Variants in HPSE2 observed in about 807,000 individuals in gnomAD.
HPSE2 encodes the protein inactive heparanase-2.
HPSE2 carries 38 observed loss-of-function variants against 60.5 expected under a neutral mutation model. That is an observed-to-expected ratio of 0.63 (90% CI 0.48 to 0.82). HPSE2 has a LOEUF of 0.82. HPSE2 is among the 40% of genes least tolerant of loss of function. The probability of loss-of-function intolerance (pLI) is 0.00; values close to 1 mark genes in which losing one functional copy is unlikely to be tolerated. For missense variants in HPSE2, 713 were observed against 740.4 expected (o/e 0.96, Z 0.43); for synonymous variants, 295 against 293.2 (o/e 1.01, Z -0.06).
chr10:99,066,455 A>T (rs1279978290), intron 3 of HPSE2, among the ~76,000 whole-genome samples: 1 of 152,220 alleles, frequency 6.6e-6, no homozygotes, highest in Non-Finnish European at 1.5e-5. Context: ...GATGCTAATA[A>T]AAACATATCC....
intron 3 of HPSE2, among the ~76,000 whole-genome samples, chr10:98,808,703 A>G (rs1444432850): frequency 1.3e-5 from 2 of 152,288 alleles, no homozygotes; most frequent in East Asian, 3.9e-4. Context: ...ACAAAATCTG[A>G]GCGCAATCTG....
rs1565160482 is a variant in HPSE2, at chr10:98,782,952, T to TTA, written c.611-38897_611-38896insTA. Reference sequence around the variant, plus strand: ...TTTTTTTTTTTAATGTTTTTTTTTTTATTATACTCTAAGTTTTAGGGAACA... The same window carrying TTA: ...TTTTTTTTTTTAATGTTTTTTTTTTTTAATTATACTCTAAGTTTTAGGGAACA... On this transcript the variant is annotated intron_variant, in intron 3 of 11. Coordinates refer to ENST00000370552, the MANE Select transcript of HPSE2 (RefSeq NM_021828.5). 6.2e-4 allele frequency among the ~76,000 whole-genome samples: 85 copies of TTA among 138,074 alleles called. 4 individuals carry two copies. The highest frequency in any genetic ancestry group is 2.3e-3 in the African/African-American group (84 of 36,428). 90.6% of individuals were successfully genotyped at this position (138,074 alleles called of 152,430 possible).
chr10:99,168,932 C>A (rs1017313557), intron 2 of HPSE2, among the ~76,000 whole-genome samples: 22 of 152,138 alleles, frequency 1.4e-4, no homozygotes. Flanking sequence ...TGGTGGCTTG[C>A]GCCTGTAATC....
chr10:99,040,518 T>C (rs1037289390), intron 3 of HPSE2, among the ~76,000 whole-genome samples: 2 of 152,188 alleles, frequency 1.3e-5, no homozygotes, highest in Non-Finnish European at 2.9e-5. Context: ...TAATCTGTTT[T>C]TCATCTTTTA....
rs1171855162 is a variant in HPSE2 at position 98,929,956 on chromosome 10, AGCCATGAT to A, written c.611-185908_611-185901del. Among the ~76,000 whole-genome samples, 18 of 144,054 alleles carry A rather than the reference AGCCATGAT, an allele frequency of 1.2e-4. 1 individual carries two copies. In the East Asian group the frequency reaches 3.2e-3, roughly 25 times the overall value. 94.5% of individuals were successfully genotyped at this position (144,054 alleles called of 152,430 possible). A position where few individuals can be genotyped will look rare whatever the true frequency, so the allele number is the denominator to read the frequency against. On this transcript the variant is annotated intron_variant, in intron 3 of 11. Coordinates refer to ENST00000370552, the MANE Select transcript of HPSE2 (RefSeq NM_021828.5). Reference sequence around the variant, plus strand: ...AAAGTTTTATTGGCTATTGGCCTCTAGCCATGATCTCTTGTATATGAGTGCTTTTTTAA... The same window carrying A: ...AAAGTTTTATTGGCTATTGGCCTCTACTCTTGTATATGAGTGCTTTTTTAA...
intron 3 of HPSE2, among the ~76,000 whole-genome samples, chr10:99,015,462 T>C (rs1957117104): frequency 6.6e-6 from 1 of 152,206 alleles, no homozygotes; most frequent in South Asian, 2.1e-4. Context: ...ATGTGGCACA[T>C]ATACACCATG....
At chr10:99,025,789 T>C (rs11189943) in intron 3 of HPSE2, among the ~76,000 whole-genome samples, 15,644 of 152,000 alleles carry the variant, frequency 0.1, 862 homozygotes, top group South Asian at 0.19. Flanking sequence ...TGAAATAACA[T>C]TGGGTGATGA....
intron 4 of HPSE2, among the ~76,000 whole-genome samples, chr10:98,727,103 A>G (rs1949104600): frequency 1.3e-5 from 2 of 152,114 alleles, no homozygotes; most frequent in Non-Finnish European, 2.9e-5. Flanking sequence ...AAAAAAACTT[A>G]AGAGATATCA....
At chr10:98,781,786 A>G (rs1184159474) in intron 3 of HPSE2, among the ~76,000 whole-genome samples, 2 of 151,900 alleles carry the variant, frequency 1.3e-5, no homozygotes, top group African/African-American at 2.4e-5. Context: ...TTGGCAATGT[A>G]TATCCAAATC....
At chr10:99,245,538 C>G in the HPSE2 span, among the ~76,000 whole-genome samples, 1 of 152,236 alleles carries the variant, frequency 6.6e-6, no homozygotes, top group Non-Finnish European at 1.5e-5. Context: ...ATACATCCTA[C>G]TAGCTTTAAC....
chr10:99,025,660 T>C (rs1237890799), intron 3 of HPSE2, among the ~76,000 whole-genome samples: 1 of 151,980 alleles, frequency 6.6e-6, no homozygotes, highest in Non-Finnish European at 1.5e-5. Flanking sequence ...TAAGAATTTA[T>C]GAACACAAAG....
chr10:98,754,872 G>A (rs1000753040), intron 3 of HPSE2, among the ~76,000 whole-genome samples: 29 of 151,716 alleles, frequency 1.9e-4, no homozygotes, highest in Admixed American at 1.3e-4. Flanking sequence ...CCTTAAAAGA[G>A]GTTCTTAACA....
intron 3 of HPSE2, among the ~76,000 whole-genome samples, chr10:99,001,222 T>C (rs1956770545): frequency 6.6e-6 from 1 of 152,152 alleles, no homozygotes; most frequent in Non-Finnish European, 1.5e-5. Flanking sequence ...TGTTTACACT[T>C]ATTAAACCAC....
the HPSE2 span, among the ~76,000 whole-genome samples, chr10:99,265,609 A>G: frequency 1.5e-4 from 23 of 152,340 alleles, no homozygotes; most frequent in South Asian, 4.8e-3. Context: ...AAGGAGTGAA[A>G]GCGAAAAATG....
chr10:98,546,126 A>G (rs1466093250), intron 9 of HPSE2, among the ~76,000 whole-genome samples: 1 of 135,248 alleles, frequency 7.4e-6, no homozygotes, highest in African/African-American at 2.5e-5. Context: ...AAGGAGAACT[A>G]CAAGCCACTG....
intron 6 of HPSE2, among the ~76,000 whole-genome samples, chr10:98,668,757 G>T (rs531970445): frequency 6.6e-6 from 1 of 152,218 alleles, no homozygotes. Context: ...CTCAACTCAA[G>T]ATGGATTAAA....
chr10:98,990,215 T>C (rs1364293285), intron 3 of HPSE2, among the ~76,000 whole-genome samples: 2 of 152,170 alleles, frequency 1.3e-5, no homozygotes, highest in Non-Finnish European at 2.9e-5. Context: ...CTGCAAGAAA[T>C]TGGTTTATTA....
chr10:98,484,725 C>T (rs1052788803), intron 10 of HPSE2, among the ~76,000 whole-genome samples: 4 of 152,164 alleles, frequency 2.6e-5, no homozygotes, highest in African/African-American at 9.7e-5. Flanking sequence ...GTTTTACCTA[C>T]CTCAAGATTA....
chr10:99,301,733 T>C, the HPSE2 span, among the ~76,000 whole-genome samples: 2 of 152,000 alleles, frequency 1.3e-5, no homozygotes, highest in South Asian at 2.1e-4. Context: ...CTGCCACCAC[T>C]CTACTGGTAG....
Sources: gnomAD v4.1 joint callset for allele counts (sites outside exome capture counted in the v4.1 genomes callset) on GRCh38, gnomAD v4.1.1 for gene constraint, MANE v1.5 for transcripts, NCBI Gene and HGNC (gene_info 2026-07-23, HGNC 2026-07-21) for gene names.